SVEP1: variants seen among roughly 807,000 people sequenced by gnomAD.
SVEP1 encodes the protein sushi, von Willebrand factor type A, EGF and pentraxin domain containing 1.
A neutral mutation model predicts 367.3 loss-of-function variants in SVEP1; 164 were observed. The ratio of observed to expected loss-of-function variants is 0.45; its 90% CI spans 0.39 to 0.51. The LOEUF is 0.51. Ranked by LOEUF, SVEP1 falls within the 20% of genes least tolerant of loss-of-function variation. The probability of loss-of-function intolerance (pLI) is 0.00; values close to 1 mark genes in which losing one functional copy is unlikely to be tolerated. For synonymous variants in SVEP1, 1,666 were observed against 1,611.6 expected (o/e 1.03, Z -0.81); for missense variants, 4,117 against 4,425.3 (o/e 0.93, Z 1.98).
rs41296069 is a variant in SVEP1, at chr9:110,482,452, G to A, written c.2079C>T (p.Asp693=). Residue 693 remains aspartate, a synonymous_variant, in exon 11 of 48, where the codon GAC becomes GAT. Coordinates refer to ENST00000374469, the MANE Select transcript of SVEP1 (RefSeq NM_153366.4). ...LVITRSHTQG[D]LFPQGETIVQ... is the part of the protein sequence containing the mutation. ...CTATAGTCTCCCCTTGAGGGAAAAG[G>A]TCTCCTTGTGTATGACTTCTGGTAA... is the stretch of plus-strand genomic sequence containing the variant. 1.3e-6 allele frequency: 2 copies of A among 1,591,610 alleles called. No individual in the cohort carries two copies. Among genetic ancestry groups the A allele is most frequent in the East Asian group, 4.5e-5 (2 of 44,358 alleles).
At chr9:110,557,465 C>A (rs1038359194) in intron 1 of SVEP1, among the ~76,000 whole-genome samples, 4 of 151,840 alleles carry the variant, frequency 2.6e-5, no homozygotes, top group Non-Finnish European at 5.9e-5. Flanking sequence ...GCACATGTAA[C>A]CCCTTCCCTC....
Position 110,390,039 on chromosome 9 carries a change from AAG to A in SVEP1, c.9823-454_9823-453del, listed in dbSNP as rs1564127100. On this transcript the variant is annotated intron_variant, in intron 40 of 47. Coordinates refer to ENST00000374469, the MANE Select transcript of SVEP1 (RefSeq NM_153366.4). ...TGTGTGTGTGTGTGTATATATATAT[AAG>A]TATATATACACGTATATATATAAGT... Among the ~76,000 whole-genome samples the A allele has an allele frequency of 1.1e-4, 7 of 66,520 alleles. No homozygotes were observed. In the South Asian group the frequency reaches 4.0e-3, roughly 38 times the overall value. 43.6% of individuals were successfully genotyped at this position (66,520 alleles called of 152,430 possible).
intron 43 of SVEP1, among the ~76,000 whole-genome samples, chr9:110,385,612 T>G (rs10980354): frequency 0.061 from 9,335 of 152,276 alleles, 337 homozygotes; most frequent in Non-Finnish European, 0.085. Flanking sequence ...TCTGACAGTG[T>G]GGAGAAAAAT....
At chr9:110,514,141 G>A in intron 3 of SVEP1, 35 bp from the exon 4 acceptor site, 1 of 1,596,162 alleles carries the variant, frequency 6.3e-7, no homozygotes, top group Non-Finnish European at 8.5e-7. Context: ...TCCATGTTAT[G>A]TGGCACATCA....
At chr9:110,369,836 C>T (rs370795093) in intron 47 of SVEP1, 87 bp downstream of exon 47, 2 of 1,058,218 alleles carry the variant, frequency 1.9e-6, no homozygotes, top group East Asian at 2.7e-5. Context: ...TCAAACTAGA[C>T]AGAGATAACT....
At position 110,579,330 on chromosome 9, in the gene SVEP1, C is replaced by A; in HGVS notation, c.214G>T (p.Val72Leu). The A allele has an allele frequency of 6.4e-7, 1 of 1,557,718 alleles. No individual in the cohort carries two copies. Among genetic ancestry groups the A allele is most frequent in the East Asian group, 2.4e-5 (1 of 41,468 alleles). Reference protein sequence around the residue: ...ERLGQAFRRRVRLLRELSERL... With the variant: ...ERLGQAFRRRLRLLRELSERL... ...TCGCTGAGCTCCCGCAGCAGCCGCA[C>A]GCGTCGCCGGAACGCCTGGCCCAGC... The change falls in exon 1 of 48, where the codon GTG becomes TTG. Residue 72 changes from valine to leucine, a missense_variant. Val to Leu is a conservative substitution (Grantham distance 32). Coordinates refer to ENST00000374469, the MANE Select transcript of SVEP1 (RefSeq NM_153366.4). The surrounding 1 kb of genome is among the most constrained non-coding windows in gnomAD (Gnocchi z 5.3).
At chr9:110,518,053 GGTTT>G (rs1829828942) in intron 3 of SVEP1, among the ~76,000 whole-genome samples, 1 of 152,188 alleles carries the variant, frequency 6.6e-6, no homozygotes, top group Non-Finnish European at 1.5e-5. Context: ...CAGGCTTTCA[GGTTT>G]GTTTATTTTT....
chr9:110,496,633 G>A (rs1290151318), intron 8 of SVEP1, among the ~76,000 whole-genome samples, 182 bp downstream of exon 8: 1 of 152,140 alleles, frequency 6.6e-6, no homozygotes, highest in Non-Finnish European at 1.5e-5. Context: ...CCTTGTGATG[G>A]TGTGAGTCAA....
At chr9:110,396,865 A>G (rs1827771088) in intron 40 of SVEP1, among the ~76,000 whole-genome samples, 1 of 152,140 alleles carries the variant, frequency 6.6e-6, no homozygotes, top group Non-Finnish European at 1.5e-5. Flanking sequence ...CTTACCAACC[A>G]AGAAAAGTCC....
chr9:110,578,996 A>T lies in SVEP1; in HGVS notation c.531+17T>A. 6.6e-7 allele frequency: 1 copy of T among 1,515,806 alleles called. No individual in the cohort carries two copies. Among genetic ancestry groups the T allele is most frequent in the Non-Finnish European group, 8.8e-7 (1 of 1,133,390 alleles). 93.9% of individuals were successfully genotyped at this position (1,515,806 alleles called of 1,614,324 possible). A position where few individuals can be genotyped will look rare whatever the true frequency, so the allele number is the denominator to read the frequency against. The stretch of plus-strand genomic sequence containing the variant: ...CCCGGGGACTAGGGCCCGGGTCGGG[A>T]GGGGCGGGCGCCTTACCGCGGCTTG... On this transcript the variant is annotated intron_variant, in intron 1 of 47. Coordinates refer to ENST00000374469, the MANE Select transcript of SVEP1 (RefSeq NM_153366.4).
intron 40 of SVEP1, among the ~76,000 whole-genome samples, chr9:110,395,320 C>G (rs1437509813): frequency 1.3e-5 from 2 of 152,124 alleles, no homozygotes; most frequent in Non-Finnish European, 2.9e-5. Flanking sequence ...TTTGTCACCA[C>G]CAGGCCTGCC....
chr9:110,541,156 T>A (rs145381364), intron 3 of SVEP1, among the ~76,000 whole-genome samples: 123 of 152,300 alleles, frequency 8.1e-4, no homozygotes, highest in African/African-American at 2.9e-3. Context: ...GAAAAACCCT[T>A]ATGGGCATTT....
chr9:110,472,145 C>G lies in SVEP1; in HGVS notation c.2764+14G>C, dbSNP rs1829028531. On this transcript the variant is annotated intron_variant, in intron 15 of 47. Coordinates refer to ENST00000374469, the MANE Select transcript of SVEP1 (RefSeq NM_153366.4). ...CCATTATATTGCTTTTTCAAATAGA[C>G]AGTTTATCCTTACCTGTGATGTTAA... is the stretch of plus-strand genomic sequence containing the variant. The G allele has an allele frequency of 1.9e-6, 3 of 1,597,706 alleles. No individual in the cohort carries two copies. In the East Asian group the frequency reaches 6.7e-5, roughly 36 times the overall value.
rs891183458 is a variant in SVEP1, at chr9:110,511,130, G to T, written c.1303+1796C>A. Among the ~76,000 whole-genome samples the T allele has an allele frequency of 2.0e-5, 3 of 152,028 alleles. No individual in the cohort carries two copies. The South Asian group carries it at 6.2e-4, about 32-fold the overall frequency. Reference sequence around the variant, plus strand: ...TGGACACAGTTTTCTGTTTTTCTAGGGCATTCAGAAAATTCACTAAGATTA... The same window carrying T: ...TGGACACAGTTTTCTGTTTTTCTAGTGCATTCAGAAAATTCACTAAGATTA... On this transcript the variant is annotated intron_variant, in intron 5 of 47. Coordinates refer to ENST00000374469, the MANE Select transcript of SVEP1 (RefSeq NM_153366.4).
At chr9:110,445,291 C>T (rs1014250029) in intron 26 of SVEP1, among the ~76,000 whole-genome samples, 3 of 152,138 alleles carry the variant, frequency 2.0e-5, no homozygotes, top group African/African-American at 7.2e-5. Context: ...GCTCTCCTGA[C>T]AACCCATGGC....
At chr9:110,427,554 GC>G (rs749411652) in intron 36 of SVEP1, 36 bp downstream of exon 36, 2 of 1,590,756 alleles carry the variant, frequency 1.3e-6, no homozygotes, top group South Asian at 2.3e-5. Context: ...CACTTCCTTG[GC>G]TCTCAATGAT....
intron 3 of SVEP1, among the ~76,000 whole-genome samples, chr9:110,545,893 C>T (rs968470819): frequency 2.6e-5 from 4 of 152,124 alleles, no homozygotes; most frequent in African/African-American, 9.7e-5. Flanking sequence ...TTGTCAGACA[C>T]CCAAACACAT....
intron 18 of SVEP1, among the ~76,000 whole-genome samples, chr9:110,465,476 T>C (rs1828921437): frequency 6.6e-6 from 1 of 152,150 alleles, no homozygotes; most frequent in African/African-American, 2.4e-5. Flanking sequence ...GGAATGAAAT[T>C]CATAATCCAC....
chr9:110,550,520 A>G (rs575498182), intron 1 of SVEP1, among the ~76,000 whole-genome samples: 1 of 149,656 alleles, frequency 6.7e-6, no homozygotes, highest in Non-Finnish European at 1.5e-5. Context: ...CTATCTATCT[A>G]TCTATCTGTC....
Sources: allele counts gnomAD v4.1 joint callset (sites outside exome capture counted in the v4.1 genomes callset), GRCh38; gene constraint gnomAD v4.1.1; non-coding constraint Gnocchi (gnomAD v3.1); transcripts MANE v1.5; gene names NCBI Gene and HGNC (gene_info 2026-07-23, HGNC 2026-07-21).